Variants in CEP350 observed in about 807,000 individuals in gnomAD.
The protein encoded by CEP350 is centrosomal protein 350.
CEP350 carries 126 observed loss-of-function variants against 331.8 expected under a neutral mutation model. The ratio of observed to expected loss-of-function variants is 0.38; its 90% CI spans 0.33 to 0.44. The LOEUF (loss-of-function observed/expected upper bound fraction) is 0.44. CEP350 is among the 20% of genes least tolerant of loss of function. CEP350 has a pLI of 1.00. For missense variants in CEP350, 3,406 were observed against 3,634.6 expected (o/e 0.94, Z 1.62); for synonymous variants, 1,200 against 1,259.5 (o/e 0.95, Z 1.00).
At chr1:180,074,773 C>T (rs1253286520) in intron 27 of CEP350, among the ~76,000 whole-genome samples, 1 of 151,984 alleles carries the variant, frequency 6.6e-6, no homozygotes, top group Non-Finnish European at 1.5e-5. Context: ...GGTTTTTTTC[C>T]TGAATATACT....
intron 7 of CEP350, among the ~76,000 whole-genome samples, chr1:180,003,775 A>G (rs1654026529): frequency 6.6e-6 from 1 of 152,198 alleles, no homozygotes; most frequent in African/African-American, 2.4e-5. Context: ...TAATAATGGT[A>G]CTACCTACCG....
intron 30 of CEP350, among the ~76,000 whole-genome samples, chr1:180,082,459 C>T (rs1001232653): frequency 6.6e-6 from 1 of 152,002 alleles, no homozygotes; most frequent in African/African-American, 2.4e-5. Context: ...GGACTACAGG[C>T]GCATGCTGCC....
intron 27 of CEP350, among the ~76,000 whole-genome samples, chr1:180,071,029 T>C (rs1236794317): frequency 6.7e-6 from 1 of 148,764 alleles, no homozygotes; most frequent in African/African-American, 2.5e-5. Context: ...GTGCCTGTAA[T>C]CCCAGCTACT....
chr1:180,070,033 G>C (rs1400823937), intron 27 of CEP350, among the ~76,000 whole-genome samples: 1 of 152,132 alleles, frequency 6.6e-6, no homozygotes, highest in Non-Finnish European at 1.5e-5. Flanking sequence ...ACTTTTTGGG[G>C]ATCTTGAGTT....
At chr1:180,013,695 T>A (rs1654797491) in intron 9 of CEP350, among the ~76,000 whole-genome samples, 152 bp from the exon 10 acceptor site, 1 of 152,228 alleles carries the variant, frequency 6.6e-6, no homozygotes, top group Non-Finnish European at 1.5e-5. Context: ...GGCTTTTCTT[T>A]CCTTTTATAA....
Position 180,075,195 on chromosome 1 carries a change from T to G in CEP350, c.5741T>G (p.Leu1914Arg). 6.2e-7 allele frequency: 1 copy of G among 1,612,570 alleles called. No homozygotes were observed. Among genetic ancestry groups the G allele is most frequent in the Non-Finnish European group, 8.5e-7 (1 of 1,179,306 alleles). ...LIKPKTPKKE[L>R]EDQRTEQKEI... ...AAACCCAAAACTCCTAAGAAAGAAC[T>G]GGAGGACCAGAGAACAGAACAGAAA... is the stretch of plus-strand genomic sequence containing the variant. The change falls in exon 28 of 38, where the codon CTG becomes CGG. Residue 1914 changes from leucine to arginine, a missense_variant. Transcript: ENST00000367607.
intron 1 of CEP350, among the ~76,000 whole-genome samples, chr1:179,958,751 A>T (rs528921460): frequency 6.6e-6 from 1 of 152,220 alleles, no homozygotes; most frequent in Non-Finnish European, 1.5e-5. Context: ...TAAGCGCCAC[A>T]TAAGTGTTTG....
At chr1:180,091,066 A>G (rs1054298457) in intron 33 of CEP350, among the ~76,000 whole-genome samples, 4 of 151,374 alleles carry the variant, frequency 2.6e-5, no homozygotes, top group Non-Finnish European at 5.9e-5. Flanking sequence ...GTGCAGTGGC[A>G]TGATCATAGC....
At chr1:180,109,944 C>G (rs1488705794) in intron 37 of CEP350, among the ~76,000 whole-genome samples, 1 of 152,110 alleles carries the variant, frequency 6.6e-6, no homozygotes, top group Non-Finnish European at 1.5e-5. Flanking sequence ...CAATCTAATG[C>G]GTTTCTTTTA....
In CEP350 at chr1:180,093,906, C is replaced by A; in HGVS notation, c.7801C>A (p.Pro2601Thr). Reference protein sequence around the residue: ...YNQEQNDTEGPKDREKDVSEY... With the variant: ...YNQEQNDTEGTKDREKDVSEY... The stretch of plus-strand genomic sequence containing the variant: ...TCAAGAGCAAAATGATACAGAGGGT[C>A]CAAAAGACAGAGAAAAGGATGTCAG... Residue 2601 changes from proline (P) to threonine (T), a missense_variant, in exon 34 of 38, where the codon CCA (proline) becomes ACA (threonine). Physicochemically the swap from Pro to Thr is conservative, Grantham distance 38. Coordinates refer to ENST00000367607, the MANE Select transcript of CEP350 (RefSeq NM_014810.5). 1.2e-6 allele frequency: 2 copies of A among 1,613,690 alleles called. No individual in the cohort carries two copies. Among genetic ancestry groups the A allele is most frequent in the Non-Finnish European group, 1.7e-6 (2 of 1,179,826 alleles).
At chr1:180,062,144 T>G (rs911820658) in intron 25 of CEP350, 76 bp from the exon 26 acceptor site, 2 of 1,296,942 alleles carry the variant, frequency 1.5e-6, no homozygotes, top group Non-Finnish European at 2.0e-6. Context: ...ATATATGTGC[T>G]GATTTTTTTT....
chr1:180,094,412 A>G lies in CEP350; in HGVS notation c.8307A>G (p.Gln2769=), dbSNP rs750913868. ...TCTTTGTAAAGGACACAGTCAATCA[A>G]CTACAACAAATCAAAAAAACCAGGG... ...LKVFVKDTVN[Q]LQQIKKTRDE... Residue 2769 remains glutamine, a synonymous_variant, in exon 34 of 38, where the codon CAA becomes CAG. Transcript: ENST00000367607. 1.9e-6 allele frequency: 3 copies of G among 1,613,826 alleles called. No individual in the cohort carries two copies. Among genetic ancestry groups the G allele is most frequent in the South Asian group, 2.2e-5 (2 of 91,048 alleles).
rs1247631262 is a variant in CEP350, at chr1:180,075,147, C to T, written c.5693C>T (p.Ala1898Val). ...CGTCAAATGGAAAAACAAGCTTTGG[C>T]TGCCTGGGACAAAGAATTAATAAAA... ...EIRQMEKQAL[A>V]AWDKELIKPK... Residue 1898 changes from alanine to valine, a missense_variant, in exon 28 of 38, where the codon GCT becomes GTT. Physicochemically the swap from Ala to Val is moderately conservative, Grantham distance 64 (BLOSUM62 0). This residue lies in a region of CEP350 where 1,415 missense variants were observed against 1,512.3 expected (regional missense o/e 0.94). Transcript: ENST00000367607. The T allele has an allele frequency of 1.2e-6, 2 of 1,613,578 alleles. No homozygotes were observed. The highest frequency in any genetic ancestry group is 1.7e-5 in the Admixed American group (1 of 59,974).
At chr1:180,047,000 G>A (rs932745886) in intron 21 of CEP350, among the ~76,000 whole-genome samples, 3 of 152,168 alleles carry the variant, frequency 2.0e-5, no homozygotes, top group Non-Finnish European at 4.4e-5. Context: ...CCAAACAATT[G>A]CATTATATTC....
At chr1:180,064,233 A>G (rs1401127671) in intron 26 of CEP350, among the ~76,000 whole-genome samples, 3 of 152,062 alleles carry the variant, frequency 2.0e-5, no homozygotes, top group African/African-American at 7.2e-5. Flanking sequence ...TCCATGTGAC[A>G]TTCTTGTTGG....
At chr1:180,051,324 T>C (rs1657485282) in intron 22 of CEP350, among the ~76,000 whole-genome samples, 2 of 152,210 alleles carry the variant, frequency 1.3e-5, no homozygotes, top group Admixed American at 1.3e-4. Context: ...TTAAATGAAT[T>C]TTACTAAGTG....
intron 31 of CEP350, chr1:180,087,306 A>G (rs1659925723): frequency 4.5e-6 from 1 of 221,322 alleles, no homozygotes; most frequent in Non-Finnish European, 8.8e-6. Context: ...TTATTGCTTC[A>G]TAGTATTAAA....
Position 180,031,455 on chromosome 1 carries a change from C to G in CEP350, c.3686C>G (p.Thr1229Arg). The change falls in exon 15 of 38, where the codon ACA becomes AGA. Residue 1229 changes from threonine to arginine, a missense_variant. Physicochemically the swap from Thr to Arg is moderately conservative, Grantham distance 71 (BLOSUM62 -1). Transcript: ENST00000367607. ...SVKDFEQTLD[T>R]DSTLEDLSGH... ...AAAGATTTTGAGCAGACTCTTGATACAGATAGCACTTTGGAGGATCTTTCT... is the reference window on the plus strand; with the variant it reads ...AAAGATTTTGAGCAGACTCTTGATAGAGATAGCACTTTGGAGGATCTTTCT... 6.4e-7 allele frequency: 1 copy of G among 1,572,550 alleles called. No homozygotes were observed. Among genetic ancestry groups the G allele is most frequent in the Non-Finnish European group, 8.6e-7 (1 of 1,158,124 alleles).
intron 29 of CEP350, among the ~76,000 whole-genome samples, chr1:180,080,026 A>C (rs964529861): frequency 2.0e-5 from 3 of 152,174 alleles, no homozygotes; most frequent in Non-Finnish European, 4.4e-5. Context: ...CAGGGATAGG[A>C]AGTGATAGTA....
Sources: allele counts gnomAD v4.1 joint callset (sites outside exome capture counted in the v4.1 genomes callset), GRCh38; gene constraint gnomAD v4.1.1; regional missense constraint gnomAD v4.1.1; transcripts MANE v1.5; gene names NCBI Gene and HGNC (gene_info 2026-07-23, HGNC 2026-07-21).